Variants in PCDH15 observed in about 807,000 individuals in gnomAD.
The protein encoded by PCDH15 is protocadherin related 15, also known as protocadherin-15.
Under a neutral mutation model 178.5 loss-of-function variants are expected in PCDH15, and 129 were observed. The observed-to-expected ratio is 0.72, with a 90% CI of 0.63 to 0.84. The LOEUF (loss-of-function observed/expected upper bound fraction) is 0.84, where lower values mean the gene tolerates loss of function less well. Among genes scored for constraint, PCDH15 ranks in the 40% least tolerant of loss-of-function variants. The pLI, the probability that PCDH15 is intolerant of heterozygous loss-of-function variation, is 0.00. For missense variants in PCDH15, 2,230 were observed against 2,099.9 expected (o/e 1.06, Z -1.21); for synonymous variants, 800 against 732.0 (o/e 1.09, Z -1.50).
intron 1 of PCDH15, among the ~76,000 whole-genome samples, chr10:54,756,514 T>C (rs1233486655): frequency 2.0e-5 from 3 of 152,194 alleles, no homozygotes; most frequent in Admixed American, 2.0e-4. Context: ...ATAGTTTCTA[T>C]TAAAAATCTG....
intron 2 of PCDH15, among the ~76,000 whole-genome samples, chr10:54,588,964 G>A (rs2091697165): frequency 6.6e-6 from 1 of 152,124 alleles, no homozygotes; most frequent in Non-Finnish European, 1.5e-5. Flanking sequence ...ATTTTCAAAT[G>A]AATTCCAAAA....
At chr10:55,394,415 A>C (rs1394209901) in intron 2 of PCDH15, among the ~76,000 whole-genome samples, 1 of 151,964 alleles carries the variant, frequency 6.6e-6, no homozygotes, top group Non-Finnish European at 1.5e-5. Context: ...TGAATTTCTA[A>C]GTGAGAAGGC....
intron 2 of PCDH15, among the ~76,000 whole-genome samples, chr10:55,466,534 G>A (rs921956621): frequency 6.6e-6 from 1 of 152,126 alleles, no homozygotes; most frequent in Non-Finnish European, 1.5e-5. Flanking sequence ...CCATTTTGCC[G>A]ATGAGGAAAT....
chr10:53,888,069 A>T (rs947376139), intron 26 of PCDH15, among the ~76,000 whole-genome samples: 1 of 151,726 alleles, frequency 6.6e-6, no homozygotes, highest in African/African-American at 2.4e-5. Flanking sequence ...GTTGTAAGAA[A>T]GAAGAGAATA....
chr10:54,746,763 T>C (rs971979756), intron 1 of PCDH15, among the ~76,000 whole-genome samples: 2 of 152,140 alleles, frequency 1.3e-5, no homozygotes, highest in African/African-American at 4.8e-5. Flanking sequence ...TTCACAACTA[T>C]GGTTTATTAC....
At chr10:55,127,711 C>A (rs1271569431) in intron 2 of PCDH15, among the ~76,000 whole-genome samples, 1 of 151,968 alleles carries the variant, frequency 6.6e-6, no homozygotes, top group East Asian at 1.9e-4. Context: ...TATTTGTAAT[C>A]AATTGAGAAA....
At position 55,463,971 on chromosome 10, in the gene PCDH15, A is replaced by AAGAG. The variant is rs59223623; in HGVS notation, c.-156+163650_-156+163653dup. Among the ~76,000 whole-genome samples, 8 of 20,188 alleles carry AAGAG rather than the reference A, an allele frequency of 4.0e-4. 1 individual carries two copies. Among genetic ancestry groups the AAGAG allele is most frequent in the Middle Eastern group, 0.021 (1 of 48 alleles). The allele number at this position is 20,188 out of a possible 152,430, so 13.2% of individuals were successfully genotyped here. ...AAAGAAAGAAAGAAAGAAAGAAAGAAAGAGAAAGAAAGAAAGAAAGAGAAA... is the reference window on the plus strand; with the variant it reads ...AAAGAAAGAAAGAAAGAAAGAAAGAAAGAGAGAGAAAGAAAGAAAGAAAGAGAAA... On this transcript the variant is annotated intron_variant, in intron 2 of 5. Coordinates refer to the PCDH15 transcript ENST00000613346.
At chr10:55,332,656 C>A (rs532719123) in intron 2 of PCDH15, among the ~76,000 whole-genome samples, 5 of 152,202 alleles carry the variant, frequency 3.3e-5, no homozygotes, top group African/African-American at 1.2e-4. Context: ...GTGAAAGGGA[C>A]CCAGTGGGAG....
At chr10:54,155,652 G>A (rs2045043103) in intron 13 of PCDH15, among the ~76,000 whole-genome samples, 2 of 151,964 alleles carry the variant, frequency 1.3e-5, no homozygotes, top group South Asian at 4.1e-4. Flanking sequence ...TGTCTTCCAT[G>A]TAAGATCCCG....
At chr10:54,360,040 C>T (rs932888717) in intron 5 of PCDH15, among the ~76,000 whole-genome samples, 1 of 152,024 alleles carries the variant, frequency 6.6e-6, no homozygotes, top group East Asian at 1.9e-4. Context: ...TTTATGTTTT[C>T]GTCTGAATAA....
chr10:54,360,312 T>C (rs1055235120), intron 5 of PCDH15, among the ~76,000 whole-genome samples: 5 of 152,122 alleles, frequency 3.3e-5, no homozygotes, highest in Non-Finnish European at 7.4e-5. Flanking sequence ...TTCCCTGCTA[T>C]ATAAACCGGC....
At chr10:54,185,335 A>C in intron 11 of PCDH15, 67 bp from the exon 12 acceptor site, 2 of 1,572,296 alleles carry the variant, frequency 1.3e-6, no homozygotes, top group Non-Finnish European at 1.7e-6. Context: ...CATTACCTAG[A>C]AGTTAATGTT....
intron 2 of PCDH15, among the ~76,000 whole-genome samples, chr10:55,545,138 A>G (rs1022509056): frequency 3.3e-5 from 5 of 152,162 alleles, no homozygotes; most frequent in African/African-American, 1.2e-4. Flanking sequence ...ATCACTAAAG[A>G]AGACTACTGT....
chr10:53,881,047 A>T, intron 26 of PCDH15, among the ~76,000 whole-genome samples: 1 of 145,886 alleles, frequency 6.9e-6, no homozygotes, highest in East Asian at 1.9e-4. Flanking sequence ...ACATGCACAC[A>T]TATATAGTTA....
At chr10:55,135,461 G>A (rs544056885) in intron 2 of PCDH15, among the ~76,000 whole-genome samples, 1 of 151,450 alleles carries the variant, frequency 6.6e-6, no homozygotes, top group Non-Finnish European at 1.5e-5. Flanking sequence ...CAATAAAAAC[G>A]AAGCTAGTTT....
rs147762973 is a variant in PCDH15, at chr10:55,075,128, T to C, written c.-80+91448A>G. Among the ~76,000 whole-genome samples the C allele has an allele frequency of 2.2e-3, 338 of 152,236 alleles. 1 individual carries two copies. The highest frequency in any genetic ancestry group is 3.5e-3 in the Non-Finnish European group (237 of 68,016). ...TTTTGGTTACTGTTATTCTCACTAC[T>C]TCTTATTGATCTATTTCAGGTTTTC... On this transcript the variant is annotated intron_variant, in intron 2 of 5. Coordinates refer to the PCDH15 transcript ENST00000458638.
At chr10:54,705,950 T>C (rs943139079) in intron 1 of PCDH15, among the ~76,000 whole-genome samples, 18 of 152,170 alleles carry the variant, frequency 1.2e-4, no homozygotes, top group African/African-American at 3.4e-4. Flanking sequence ...CCATTTCTCT[T>C]TCTCAGAGAG....
chr10:54,544,304 T>A (rs1253619368), intron 2 of PCDH15, among the ~76,000 whole-genome samples: 1 of 152,218 alleles, frequency 6.6e-6, no homozygotes, highest in Non-Finnish European at 1.5e-5. Flanking sequence ...ATTGATTAAC[T>A]GCATTTTTTG....
intron 2 of PCDH15, among the ~76,000 whole-genome samples, chr10:55,556,647 A>G (rs746872905): frequency 3.3e-5 from 5 of 152,060 alleles, no homozygotes; most frequent in African/African-American, 4.8e-5. Flanking sequence ...CCTGGCCAAT[A>G]TGGTGAAACC....
Sources: allele counts gnomAD v4.1 joint callset (sites outside exome capture counted in the v4.1 genomes callset), GRCh38; gene constraint gnomAD v4.1.1; transcripts MANE v1.5; gene names NCBI Gene and HGNC (gene_info 2026-07-23, HGNC 2026-07-21).